OPCML: variants seen among roughly 807,000 people sequenced by gnomAD.
OPCML encodes opioid-binding protein/cell adhesion molecule.
In OPCML, 13 loss-of-function variants were observed where a neutral mutation model predicts 37.8. The observed-to-expected ratio is 0.34, with a 90% confidence interval of 0.22 to 0.55. OPCML has a LOEUF of 0.55. Ranked by LOEUF, OPCML falls within the 20% of genes least tolerant of loss-of-function variation. The probability of loss-of-function intolerance (pLI) is 0.91; values close to 1 mark genes in which losing one functional copy is unlikely to be tolerated. For missense variants in OPCML, 341 were observed against 435.6 expected (o/e 0.78, Z 1.93); for synonymous variants, 176 against 168.8 (o/e 1.04, Z -0.33).
chr11:133,274,284 T>C (rs2136489143), intron 1 of OPCML, among the ~76,000 whole-genome samples: 1 of 152,312 alleles, frequency 6.6e-6, no homozygotes. Context: ...TATAGAGTCT[T>C]GGCAGATGTG....
chr11:132,694,900 T>G (rs1565781800), intron 2 of OPCML, among the ~76,000 whole-genome samples: 1 of 151,438 alleles, frequency 6.6e-6, no homozygotes, highest in East Asian at 1.9e-4. Flanking sequence ...TGGCAAGACT[T>G]AGAAACTATA....
In OPCML at chr11:132,458,962, T is replaced by C. The variant is rs533984852; in HGVS notation, c.506-21603A>G. On this transcript the variant is annotated intron_variant, in intron 4 of 7. Coordinates refer to ENST00000524381, the MANE Select transcript of OPCML (RefSeq NM_001012393.5). Reference sequence around the variant, plus strand: ...ATTATTCTTTTGTGTACACCAAAACTCAACAAATGGTAGTTTCTTAAAGCT... The same window carrying C: ...ATTATTCTTTTGTGTACACCAAAACCCAACAAATGGTAGTTTCTTAAAGCT... 2.0e-5 allele frequency among the ~76,000 whole-genome samples: 3 copies of C among 152,308 alleles called. No homozygotes were observed. The South Asian group carries it at 6.2e-4, about 32-fold the overall frequency.
chr11:132,969,104 C>G (rs917362711), intron 1 of OPCML, among the ~76,000 whole-genome samples: 2 of 151,922 alleles, frequency 1.3e-5, no homozygotes, highest in African/African-American at 4.8e-5. Flanking sequence ...CCCTCACCCC[C>G]CTCCCACCCT....
At chr11:132,507,584 TA>T (rs1321615117) in intron 4 of OPCML, among the ~76,000 whole-genome samples, 1 of 148,566 alleles carries the variant, frequency 6.7e-6, no homozygotes, top group African/African-American at 2.5e-5. Flanking sequence ...ATTTCTGAAT[TA>T]AAAACAACAA....
chr11:133,517,974 C>G (rs79685175), intron 1 of OPCML, among the ~76,000 whole-genome samples: 5,282 of 152,258 alleles, frequency 0.035, 302 homozygotes, highest in African/African-American at 0.12. Context: ...AGGAAGCAGT[C>G]TCTTTCTCTA....
intron 1 of OPCML, among the ~76,000 whole-genome samples, chr11:133,216,691 A>C (rs1320345880): frequency 2.0e-5 from 3 of 152,256 alleles, no homozygotes; most frequent in Admixed American, 6.5e-5. Context: ...CCTAAGTGAC[A>C]GAACTGGGAT....
At chr11:133,400,072 C>A (rs573184902) in intron 1 of OPCML, among the ~76,000 whole-genome samples, 1 of 152,236 alleles carries the variant, frequency 6.6e-6, no homozygotes, top group African/African-American at 2.4e-5. Context: ...ATTCTCTCAA[C>A]TATTTTTAGA....
chr11:132,489,891 C>A (rs150138894), intron 4 of OPCML, among the ~76,000 whole-genome samples: 55 of 152,216 alleles, frequency 3.6e-4, no homozygotes, highest in South Asian at 6.2e-4. Context: ...CTCCCAGTGT[C>A]CATGTGTTCT....
chr11:132,819,678 T>TAGAC (rs1939857109), intron 2 of OPCML, among the ~76,000 whole-genome samples: 1 of 152,226 alleles, frequency 6.6e-6, no homozygotes, highest in South Asian at 2.1e-4. Flanking sequence ...TATATTTGTC[T>TAGAC]AGACATATGA....
intron 4 of OPCML, among the ~76,000 whole-genome samples, chr11:132,506,374 G>A (rs1049629400): frequency 6.6e-6 from 1 of 152,088 alleles, no homozygotes; most frequent in Non-Finnish European, 1.5e-5. Flanking sequence ...TTAGTAAAAC[G>A]TCTTGAAATG....
At chr11:132,640,210 C>A (rs1213573875) in intron 3 of OPCML, among the ~76,000 whole-genome samples, 2 of 152,138 alleles carry the variant, frequency 1.3e-5, no homozygotes, top group East Asian at 1.9e-4. Flanking sequence ...AGCAAACCCA[C>A]AACAATGAGC....
chr11:133,186,300 G>T (rs938195449), intron 1 of OPCML, among the ~76,000 whole-genome samples: 32 of 152,266 alleles, frequency 2.1e-4, no homozygotes, highest in Admixed American at 7.2e-4. Flanking sequence ...TGGCTACCCA[G>T]GCTGCAGATT....
Position 132,521,724 on chromosome 11 carries a change from T to C in OPCML, c.505+7337A>G, listed in dbSNP as rs962791146. ...AACCACCATGGCACAAGTATACCTA[T>C]GTAACAAACCTGCACATCCTGCACA... On this transcript the variant is annotated intron_variant, in intron 4 of 7. Coordinates refer to ENST00000524381, the MANE Select transcript of OPCML (RefSeq NM_001012393.5). 4.6e-5 allele frequency among the ~76,000 whole-genome samples: 7 copies of C among 152,176 alleles called. No homozygotes were observed. In the South Asian group the frequency reaches 1.2e-3, roughly 27 times the overall value.
At chr11:132,915,850 T>A (rs995230518) in intron 2 of OPCML, among the ~76,000 whole-genome samples, 8 of 152,240 alleles carry the variant, frequency 5.3e-5, no homozygotes, top group African/African-American at 7.2e-5. Flanking sequence ...GACTGTTCTT[T>A]ATATAATCTA....
intron 1 of OPCML, chr11:133,025,292 A>G (rs527712447): frequency 3.1e-6 from 3 of 977,692 alleles, no homozygotes; most frequent in South Asian, 9.5e-5. Context: ...ACGTACTAGG[A>G]CAGTCCATTT....
At chr11:133,388,131 T>A (rs2136802008) in intron 1 of OPCML, among the ~76,000 whole-genome samples, 1 of 152,274 alleles carries the variant, frequency 6.6e-6, no homozygotes, top group African/African-American at 2.4e-5. Flanking sequence ...CTCCGCACCA[T>A]GAAGCCACCT....
chr11:132,850,516 G>GGTGT lies in OPCML; in HGVS notation c.146+92406_146+92409dup, dbSNP rs66934308. Among the ~76,000 whole-genome samples, 438 of 148,118 alleles carry GGTGT rather than the reference G, an allele frequency of 3.0e-3. 5 individuals are homozygous for GGTGT. The highest frequency in any genetic ancestry group is 6.7e-3 in the African/African-American group (271 of 40,226). ...TTTTATGATTCTACACTGTGGAAAG[G>GGTGT]GTGTGTGTGTGTGTGTGTGTGTGTG... On this transcript the variant is annotated intron_variant, in intron 2 of 7. Transcript: ENST00000524381.
At chr11:133,272,009 T>G (rs551313266) in intron 1 of OPCML, among the ~76,000 whole-genome samples, 2 of 152,306 alleles carry the variant, frequency 1.3e-5, no homozygotes, top group East Asian at 3.9e-4. Flanking sequence ...CTGCCCTTTC[T>G]GTCCACACCA....
intron 2 of OPCML, among the ~76,000 whole-genome samples, chr11:132,823,236 T>C (rs905503562): frequency 6.6e-6 from 1 of 152,088 alleles, no homozygotes; most frequent in Admixed American, 6.6e-5. Flanking sequence ...TCTGCACACC[T>C]CCACACGTCT....
Sources: gnomAD v4.1 joint callset for allele counts (sites outside exome capture counted in the v4.1 genomes callset) on GRCh38, gnomAD v4.1.1 for gene constraint, MANE v1.5 for transcripts, NCBI Gene and HGNC (gene_info 2026-07-23, HGNC 2026-07-21) for gene names.